The following RNF169 variants were observed in gnomAD, a reference collection of about 807,000 sequenced individuals.
RNF169 encodes ring finger protein 169, also known as E3 ubiquitin-protein ligase RNF169.
A neutral mutation model predicts 53.9 loss-of-function variants in RNF169; 24 were observed. The ratio of observed to expected loss-of-function variants is 0.45; its 90% CI spans 0.32 to 0.63. The LOEUF (loss-of-function observed/expected upper bound fraction) is 0.63, where lower values mean the gene tolerates loss of function less well. Ranked by LOEUF, RNF169 falls within the 20% of genes least tolerant of loss-of-function variation. The pLI is 0.04. For missense variants in RNF169, 883 were observed against 906.2 expected (o/e 0.97, Z 0.33); for synonymous variants, 396 against 363.5 (o/e 1.09, Z -1.02).
intron 3 of RNF169, among the ~76,000 whole-genome samples, chr11:74,813,336 G>A (rs1000895657): frequency 1.3e-5 from 2 of 152,196 alleles, no homozygotes; most frequent in Non-Finnish European, 2.9e-5. Flanking sequence ...AAGGAGGAAG[G>A]AGCTTACTCT....
At chr11:74,827,085 A>T (rs1222159918) in intron 4 of RNF169, among the ~76,000 whole-genome samples, 5 of 152,184 alleles carry the variant, frequency 3.3e-5, no homozygotes, top group Non-Finnish European at 7.3e-5. Context: ...GAGGTGCTCC[A>T]GGCTCCACCG....
intron 4 of RNF169, among the ~76,000 whole-genome samples, chr11:74,820,052 G>A (rs987182803): frequency 8.5e-5 from 13 of 152,138 alleles, no homozygotes; most frequent in African/African-American, 3.1e-4. Flanking sequence ...CACATGTCCA[G>A]CCAGTGTTAG....
At chr11:74,829,532 T>C (rs1010691952) in intron 4 of RNF169, among the ~76,000 whole-genome samples, 1 of 148,284 alleles carries the variant, frequency 6.7e-6, no homozygotes, top group African/African-American at 2.6e-5. Flanking sequence ...CTTATAAAAA[T>C]ACACGCACAT....
intron 4 of RNF169, among the ~76,000 whole-genome samples, chr11:74,819,367 T>A (rs1476654276): frequency 6.6e-6 from 1 of 152,232 alleles, no homozygotes; most frequent in Non-Finnish European, 1.5e-5. Flanking sequence ...GAGTTAGAAC[T>A]GAGGCTTCTT....
chr11:74,842,361 C>CT lies in RNF169; in HGVS notation c.*5633dup, dbSNP rs2135212311. ...GCATTCTTCAATGTATGTTTGCCTG[C>CT]TTGAAGCAAGGCCCAAGTTGAGAAT... On this transcript the variant is annotated 3_prime_UTR_variant, in exon 6 of 6. Transcript: ENST00000299563. The CT allele has an allele frequency of 6.6e-6, 1 of 152,334 alleles. No homozygotes were observed. Among genetic ancestry groups the CT allele is most frequent in the African/African-American group, 2.4e-5 (1 of 41,574 alleles). 9.4% of individuals were successfully genotyped at this position (152,334 alleles called of 1,614,324 possible). A position where few individuals can be genotyped will look rare whatever the true frequency, so the allele number is the denominator to read the frequency against.
At chr11:74,798,086 A>G (rs993321525) in intron 2 of RNF169, among the ~76,000 whole-genome samples, 1 of 152,182 alleles carries the variant, frequency 6.6e-6, no homozygotes, top group Non-Finnish European at 1.5e-5. Flanking sequence ...ACCATGTAAT[A>G]ATTGCATTAA....
At chr11:74,792,569 A>G (rs2035593922) in intron 2 of RNF169, among the ~76,000 whole-genome samples, 1 of 152,004 alleles carries the variant, frequency 6.6e-6, no homozygotes, top group South Asian at 2.1e-4. Context: ...GCCCAGCTAA[A>G]TTTTGTATTT....
chr11:74,770,431 G>A (rs1591394263), intron 1 of RNF169, among the ~76,000 whole-genome samples: 1 of 152,242 alleles, frequency 6.6e-6, no homozygotes, highest in African/African-American at 2.4e-5. Flanking sequence ...TAGAGGCCAG[G>A]CTTAGTATTA....
intron 2 of RNF169, among the ~76,000 whole-genome samples, chr11:74,798,204 C>G (rs2035676795): frequency 6.6e-6 from 1 of 152,222 alleles, no homozygotes; most frequent in African/African-American, 2.4e-5. Context: ...ACCTTAAACT[C>G]TGACCACTGG....
chr11:74,752,249 AAAAG>A (rs922015994), intron 1 of RNF169, among the ~76,000 whole-genome samples: 1 of 150,446 alleles, frequency 6.6e-6, no homozygotes, highest in Non-Finnish European at 1.5e-5. Context: ...AAAAAAAAAA[AAAAG>A]GGAAAAAAAA....
intron 2 of RNF169, among the ~76,000 whole-genome samples, chr11:74,790,107 T>C (rs1256614571): frequency 6.6e-6 from 1 of 152,264 alleles, no homozygotes; most frequent in Non-Finnish European, 1.5e-5. Flanking sequence ...CCAAAAGAAC[T>C]GTCTTGTAGG....
intron 1 of RNF169, among the ~76,000 whole-genome samples, chr11:74,752,228 T>TA (rs11325931): frequency 0.08 from 6,296 of 78,642 alleles, 289 homozygotes; most frequent in East Asian, 0.15. Flanking sequence ...GAGACTGTCT[T>TA]AAAAAAAAAA....
intron 2 of RNF169, among the ~76,000 whole-genome samples, chr11:74,808,941 C>T (rs2035839049): frequency 6.6e-6 from 1 of 152,120 alleles, no homozygotes; most frequent in Admixed American, 6.6e-5. Context: ...ATTTTAATCT[C>T]CTCCTGGCAT....
intron 4 of RNF169, among the ~76,000 whole-genome samples, chr11:74,822,545 T>C (rs1248892036): frequency 6.6e-6 from 1 of 152,228 alleles, no homozygotes; most frequent in East Asian, 1.9e-4. Flanking sequence ...GTCTGTTCTA[T>C]GGCAGAGTAG....
At chr11:74,773,971 A>G (rs887095815) in intron 1 of RNF169, among the ~76,000 whole-genome samples, 2 of 152,248 alleles carry the variant, frequency 1.3e-5, no homozygotes, top group Non-Finnish European at 2.9e-5. Flanking sequence ...CACATACCAC[A>G]TATTTGTGCC....
Position 74,840,632 on chromosome 11 carries a change from G to C in RNF169, c.*3902G>C, listed in dbSNP as rs952839836. 6.6e-6 allele frequency: 1 copy of C among 152,134 alleles called. No homozygotes were observed. Among genetic ancestry groups the C allele is most frequent in the Non-Finnish European group, 1.5e-5 (1 of 68,036 alleles). 9.4% of individuals were successfully genotyped at this position (152,134 alleles called of 1,614,324 possible). ...CTCATCAGAGCTGGCAGCAACTTGG[G>C]ATTCCTTTCCTTTTTCCTGCCTAAC... On this transcript the variant is annotated 3_prime_UTR_variant, in exon 6 of 6. Coordinates refer to ENST00000299563, the MANE Select transcript of RNF169 (RefSeq NM_001098638.2).
chr11:74,836,785 C>A lies in RNF169; in HGVS notation c.*55C>A. ...AGGTCTTAGGCCTTGATCATTTATC[C>A]TGAAGAGCTGAGTGTTCTCACTTTG... is the stretch of plus-strand genomic sequence containing the variant. On this transcript the variant is annotated 3_prime_UTR_variant, in exon 6 of 6. Coordinates refer to ENST00000299563, the MANE Select transcript of RNF169 (RefSeq NM_001098638.2). The A allele has an allele frequency of 2.3e-6, 3 of 1,330,732 alleles. No individual in the cohort carries two copies. Among genetic ancestry groups the A allele is most frequent in the East Asian group, 2.3e-5 (1 of 42,882 alleles). The allele number at this position is 1,330,732 out of a possible 1,614,324, so 82.4% of individuals were successfully genotyped here. A position where few individuals can be genotyped will look rare whatever the true frequency, so the allele number is the denominator to read the frequency against.
At chr11:74,819,432 A>T (rs1172477440) in intron 4 of RNF169, among the ~76,000 whole-genome samples, 2 of 152,206 alleles carry the variant, frequency 1.3e-5, no homozygotes, top group East Asian at 3.8e-4. Flanking sequence ...ATAGATCCTC[A>T]TGCTGCCTCT....
chr11:74,802,934 G>A (rs895322735), intron 2 of RNF169, among the ~76,000 whole-genome samples: 2 of 150,672 alleles, frequency 1.3e-5, no homozygotes, highest in African/African-American at 2.4e-5. Context: ...TTTTGGGGGG[G>A]GGTGGGGACG....
Sources: gnomAD v4.1 joint callset for allele counts (sites outside exome capture counted in the v4.1 genomes callset) on GRCh38, gnomAD v4.1.1 for gene constraint, MANE v1.5 for transcripts, NCBI Gene and HGNC (gene_info 2026-07-23, HGNC 2026-07-21) for gene names.